CREBBP: variants seen among roughly 807,000 people sequenced by gnomAD.
The protein encoded by CREBBP is CREB binding lysine acetyltransferase.
Under a neutral mutation model 265.0 loss-of-function variants are expected in CREBBP, and 19 were observed. The observed-to-expected ratio is 0.07, with a 90% confidence interval of 0.05 to 0.11. The LOEUF (loss-of-function observed/expected upper bound fraction) is 0.11. Among genes scored for constraint, CREBBP ranks in the 10% least tolerant of loss-of-function variants. The probability of loss-of-function intolerance (pLI) is 1.00; values close to 1 mark genes in which losing one functional copy is unlikely to be tolerated. For missense variants in CREBBP, 2,525 were observed against 3,219.0 expected, an observed-to-expected ratio of 0.78 and a Z score of 5.22; for synonymous variants, 1,457 against 1,223.7, an observed-to-expected ratio of 1.19 and a Z score of -3.98.
intron 15 of CREBBP, among the ~76,000 whole-genome samples, chr16:3,768,136 GTTT>G (rs71133655): frequency 7.9e-4 from 41 of 51,600 alleles, no homozygotes; most frequent in African/African-American, 2.5e-3. Context: ...ATTTAAAAGT[GTTT>G]TTTTTTTTTT....
intron 16 of CREBBP, among the ~76,000 whole-genome samples, chr16:3,765,702 C>T (rs948685608): frequency 1.3e-5 from 2 of 152,176 alleles, no homozygotes; most frequent in Non-Finnish European, 2.9e-5. Context: ...GGCTGGAGTA[C>T]AGTGACATGA....
rs552742697 is a variant in CREBBP, at chr16:3,828,437, T to A, written c.799-17658A>T. Among the ~76,000 whole-genome samples, 64 of 152,344 alleles carry A rather than the reference T, an allele frequency of 4.2e-4. 1 individual carries two copies. The highest frequency in any genetic ancestry group is 9.1e-4 in the Admixed American group (14 of 15,308). On this transcript the variant is annotated intron_variant, in intron 2 of 30. Transcript: ENST00000262367. ...TCTTACAAAAATTGCTTGGCTGAATTAGTATTTCAGATTAAGAGCCATAAC... is the reference window on the plus strand; with the variant it reads ...TCTTACAAAAATTGCTTGGCTGAATAAGTATTTCAGATTAAGAGCCATAAC...
chr16:3,769,600 T>C (rs1404335428), intron 14 of CREBBP, among the ~76,000 whole-genome samples: 2 of 152,320 alleles, frequency 1.3e-5, no homozygotes, highest in African/African-American at 2.4e-5. Flanking sequence ...TTTCAAACTT[T>C]GACATAAATT....
chr16:3,803,596 A>C (rs925501764), intron 3 of CREBBP, among the ~76,000 whole-genome samples: 1 of 152,152 alleles, frequency 6.6e-6, no homozygotes, highest in Non-Finnish European at 1.5e-5. Flanking sequence ...CTGTGATTTA[A>C]AGTAGAAAGC....
At chr16:3,865,248 T>A (rs2055153772) in intron 1 of CREBBP, among the ~76,000 whole-genome samples, 1 of 152,222 alleles carries the variant, frequency 6.6e-6, no homozygotes, top group South Asian at 2.1e-4. Context: ...TAGATTTGCC[T>A]GTCCGCATAA....
chr16:3,778,552 C>G (rs2053198693), intron 9 of CREBBP, 148 bp downstream of exon 9: 2 of 750,096 alleles, frequency 2.7e-6, no homozygotes, highest in African/African-American at 1.7e-5. Flanking sequence ...TGTGTCTTAT[C>G]TGGGAAGTCT....
chr16:3,859,003 C>T (rs1050839994), intron 1 of CREBBP, among the ~76,000 whole-genome samples: 3 of 152,186 alleles, frequency 2.0e-5, no homozygotes, highest in Non-Finnish European at 2.9e-5. Flanking sequence ...TCCTCACCCA[C>T]TCCTAATTTC....
In CREBBP at chr16:3,729,665, G is replaced by C. The variant is rs2151311254; in HGVS notation, c.5382C>G (p.Ser1794=). 1.9e-6 allele frequency: 3 copies of C among 1,613,750 alleles called. No individual in the cohort carries two copies. Among genetic ancestry groups the C allele is most frequent in the South Asian group, 1.1e-5 (1 of 91,084 alleles). The part of the protein sequence containing the change: ...QCRNANCSLP[S]CQKMKRVVQH... ...GCACCACCCGCTTCATCTTCTGGCA[G>C]GATGGCAGCGAGCAGTTGGCGTTGC... is the stretch of plus-strand genomic sequence containing the variant. The change falls in exon 31 of 31, where the codon TCC becomes TCG. Residue 1794 remains serine, a synonymous_variant. Coordinates refer to ENST00000262367, the MANE Select transcript of CREBBP (RefSeq NM_004380.3).
At chr16:3,861,126 C>T (rs984564409) in intron 1 of CREBBP, among the ~76,000 whole-genome samples, 1 of 151,892 alleles carries the variant, frequency 6.6e-6, no homozygotes, top group Non-Finnish European at 1.5e-5. Flanking sequence ...CTGAAAATTA[C>T]AAAAAATTAG....
In CREBBP at chr16:3,731,538, G is replaced by T. The variant is rs2051916752; in HGVS notation, c.4891-65C>A. On this transcript the variant is annotated intron_variant, in intron 29 of 30. Coordinates refer to ENST00000262367, the MANE Select transcript of CREBBP (RefSeq NM_004380.3). This position sits in a 1 kb window ranked among gnomAD's most constrained non-coding sequence, Gnocchi z 7.7. ...TGGCACCTCCAGTGGTGAGCTCAGG[G>T]CAGGCGCAGCCACCCAGCCTGCAGA... 6.5e-7 allele frequency: 1 copy of T among 1,540,962 alleles called. No individual in the cohort carries two copies.
rs1040608822 is a variant in CREBBP, at chr16:3,842,085, C to T, written c.798+8212G>A. Among the ~76,000 whole-genome samples, 7 of 152,202 alleles carry T rather than the reference C, an allele frequency of 4.6e-5. No homozygotes were observed. The South Asian group carries it at 6.2e-4, about 14-fold the overall frequency. On this transcript the variant is annotated intron_variant, in intron 2 of 30. Transcript: ENST00000262367. ...TTTTCTGACCACTTTCTAAAAAAGA[C>T]GAATATTCCAAAAACTTTATTCAAA...
At chr16:3,851,860 C>CA (rs1159688899) in intron 1 of CREBBP, among the ~76,000 whole-genome samples, 1,780 of 28,876 alleles carry the variant, frequency 0.062, 67 homozygotes, top group African/African-American at 0.1. Flanking sequence ...GACTCCGTCT[C>CA]AAAAAAAAAA....
intron 2 of CREBBP, among the ~76,000 whole-genome samples, chr16:3,832,032 TAGAGA>T (rs2054353919): frequency 2.1e-5 from 3 of 145,568 alleles, no homozygotes; most frequent in Admixed American, 2.0e-4. Context: ...AAGAAAAGAG[TAGAGA>T]AATGTTATGA....
intron 28 of CREBBP, among the ~76,000 whole-genome samples, chr16:3,734,780 G>A (rs188116453): frequency 1.3e-5 from 2 of 152,132 alleles, no homozygotes; most frequent in African/African-American, 2.4e-5. Context: ...CAGTGAGCAC[G>A]AGTGTGTGTG....
At chr16:3,878,776 C>G (rs573447232) in intron 1 of CREBBP, among the ~76,000 whole-genome samples, 1 of 152,284 alleles carries the variant, frequency 6.6e-6, no homozygotes, top group Admixed American at 6.5e-5. Context: ...TGGAATTGTT[C>G]GCAGCGGCAC....
rs117248192 is a variant in CREBBP, at chr16:3,813,773, G to A, written c.799-2994C>T. Among the ~76,000 whole-genome samples, 250 of 152,238 alleles carry A rather than the reference G, an allele frequency of 1.6e-3. 1 individual carries two copies. The highest frequency in any genetic ancestry group is 2.7e-3 in the Non-Finnish European group (184 of 68,024). On this transcript the variant is annotated intron_variant, in intron 2 of 30. Coordinates refer to ENST00000262367, the MANE Select transcript of CREBBP (RefSeq NM_004380.3). ...CGTAGATGCATTTCCCACTTGTCAC[G>A]GAGCTCACACCTTATGTCAACCAAT... is the stretch of plus-strand genomic sequence containing the variant.
intron 3 of CREBBP, 81 bp from the exon 4 acceptor site, chr16:3,793,707 G>T: frequency 6.6e-7 from 1 of 1,509,436 alleles, no homozygotes; most frequent in Non-Finnish European, 9.0e-7. Flanking sequence ...TCAAACAAAA[G>T]CAAAAGCTGA....
intron 16 of CREBBP, among the ~76,000 whole-genome samples, chr16:3,766,398 G>A (rs2052853459): frequency 6.6e-6 from 1 of 152,068 alleles, no homozygotes; most frequent in Admixed American, 6.6e-5. Flanking sequence ...TAAATGCAGA[G>A]GCAGATACCC....
rs2151312338 is a variant in CREBBP at position 3,729,809 on chromosome 16, C to T, written c.5238G>A (p.Gly1746=). The T allele has an allele frequency of 6.2e-7, 1 of 1,605,710 alleles. No individual in the cohort carries two copies. The highest frequency in any genetic ancestry group is 2.2e-5 in the East Asian group (1 of 44,888). ...KSHAHKMVKW[G]LGLDDEGSSQ... The stretch of plus-strand genomic sequence containing the variant: ...TGCTGCCCTCGTCATCCAGGCCCAG[C>T]CCCCACTTCACCATCTTATGGGCAT... Residue 1746 remains glycine, a synonymous_variant, in exon 31 of 31, where the codon GGG becomes GGA. Transcript: ENST00000262367.
Sources: gnomAD v4.1 joint callset for allele counts (sites outside exome capture counted in the v4.1 genomes callset) on GRCh38, gnomAD v4.1.1 for gene constraint, Gnocchi (gnomAD v3.1) non-coding constraint, MANE v1.5 for transcripts, NCBI Gene and HGNC (gene_info 2026-07-23, HGNC 2026-07-21) for gene names.